The following FJX1 variants were observed in gnomAD, a reference collection of about 807,000 sequenced individuals.
The protein encoded by FJX1 is four-jointed box kinase 1, also known as four-jointed box protein 1.
Under a neutral mutation model 28.7 loss-of-function variants are expected in FJX1, and 21 were observed. The ratio of observed to expected loss-of-function variants is 0.73; its 90% CI spans 0.52 to 1.05. FJX1 has a LOEUF of 1.05. FJX1 is among the 50% of genes least tolerant of loss of function. The pLI is 0.00. For synonymous variants in FJX1, 363 were observed against 310.0 expected (o/e 1.17, Z -1.80); for missense variants, 683 against 647.2 (o/e 1.06, Z -0.60).
Position 35,619,301 on chromosome 11 carries a change from G to T in FJX1, c.665G>T (p.Trp222Leu). ...LARVEARGAQ[W>L]AQVQEELRAA... ...CGGGTGGAGGCTCGGGGCGCGCAGT[G>T]GGCGCAGGTGCAGGAGGAGCTGCGC... Residue 222 changes from tryptophan (W) to leucine (L), a missense_variant, in exon 1 of 1, where the codon TGG (tryptophan) becomes TTG (leucine). Transcript: ENST00000317811. The surrounding 1 kb of genome is among the most constrained non-coding windows in gnomAD (Gnocchi z 7.6). 1 of 1,555,800 alleles carries T rather than the reference G, an allele frequency of 6.4e-7. No individual in the cohort carries two copies. Among genetic ancestry groups the T allele is most frequent in the African/African-American group, 1.4e-5 (1 of 73,450 alleles).
In FJX1 at chr11:35,618,999, C is replaced by T; in HGVS notation, c.363C>T (p.Gly121=). ...AGGAGAGCGCCGCGGTGCACGGGGG[C>T]GTCTTCTGGAGCCGCGGCCTGGAGG... ...RPEESAAVHG[G]VFWSRGLEEQ... The change falls in exon 1 of 1, where the codon GGC becomes GGT. Residue 121 remains glycine, a synonymous_variant. Coordinates refer to ENST00000317811, the MANE Select transcript of FJX1 (RefSeq NM_014344.4). The surrounding 1 kb of genome is among the most constrained non-coding windows in gnomAD (Gnocchi z 4.2). The T allele has an allele frequency of 6.8e-7, 1 of 1,473,890 alleles. No individual in the cohort carries two copies. Among genetic ancestry groups the T allele is most frequent in the African/African-American group, 1.5e-5 (1 of 67,632 alleles). 91.3% of individuals were successfully genotyped at this position (1,473,890 alleles called of 1,614,324 possible).
chr11:35,619,431 G>T lies in FJX1; in HGVS notation c.795G>T (p.Leu265=). ...CCTGGCGCTCGGAGGACGGCCGTCT[G>T]CGCCCCCTCCGGGATGCCGGGGGTG... ...PAPWRSEDGR[L]RPLRDAGGEL... Residue 265 remains leucine, a synonymous_variant, in exon 1 of 1, where the codon CTG becomes CTT. Coordinates refer to ENST00000317811, the MANE Select transcript of FJX1 (RefSeq NM_014344.4). The surrounding 1 kb of genome is among the most constrained non-coding windows in gnomAD (Gnocchi z 7.6). 1 of 1,598,258 alleles carries T rather than the reference G, an allele frequency of 6.3e-7. No individual in the cohort carries two copies. The highest frequency in any genetic ancestry group is 8.5e-7 in the Non-Finnish European group (1 of 1,179,468).
Position 35,619,185 on chromosome 11 carries a change from C to G in FJX1, c.549C>G (p.Ile183Met). 1 of 1,582,336 alleles carries G rather than the reference C, an allele frequency of 6.3e-7. No homozygotes were observed. The highest frequency in any genetic ancestry group is 8.5e-7 in the Non-Finnish European group (1 of 1,173,762). Reference protein sequence around the residue: ...DGTRACVRYGINPEQIQGEAL... With the variant: ...DGTRACVRYGMNPEQIQGEAL... ...CCCGCGCCTGCGTGCGCTACGGCAT[C>G]AACCCGGAGCAGATTCAGGGCGAGG... The change falls in exon 1 of 1, where the codon ATC (isoleucine) becomes ATG (methionine). Residue 183 changes from isoleucine to methionine, a missense_variant. Coordinates refer to ENST00000317811, the MANE Select transcript of FJX1 (RefSeq NM_014344.4). The surrounding 1 kb of genome is among the most constrained non-coding windows in gnomAD (Gnocchi z 7.6).
chr11:35,619,970 G>T lies in FJX1; in HGVS notation c.*20G>T. 6.3e-7 allele frequency: 1 copy of T among 1,576,652 alleles called. No homozygotes were observed. Among genetic ancestry groups the T allele is most frequent in the South Asian group, 1.2e-5 (1 of 85,688 alleles). ...ACTTAGTGTCACCGGGAGGAAAAGA[G>T]AGAGATCTGGGGCTGGGGTATGGAT... On this transcript the variant is annotated 3_prime_UTR_variant, in exon 1 of 1. Coordinates refer to ENST00000317811, the MANE Select transcript of FJX1 (RefSeq NM_014344.4). This position sits in a 1 kb window ranked among gnomAD's most constrained non-coding sequence, Gnocchi z 7.6.
chr11:35,618,484 C>G lies in FJX1; in HGVS notation c.-153C>G, dbSNP rs1047722320. 2.9e-6 allele frequency: 2 copies of G among 689,680 alleles called. No homozygotes were observed. The highest frequency in any genetic ancestry group is 3.7e-6 in the Non-Finnish European group (2 of 544,770). 42.7% of individuals were successfully genotyped at this position (689,680 alleles called of 1,614,324 possible). ...GAGTTCCCAGCGCCGGGCGGAGCGCCGGACAGAGCCCCGCAGCGCCCCGCG... is the reference window on the plus strand; with the variant it reads ...GAGTTCCCAGCGCCGGGCGGAGCGCGGGACAGAGCCCCGCAGCGCCCCGCG... On this transcript the variant is annotated 5_prime_UTR_variant, in exon 1 of 1. Transcript: ENST00000317811. This position sits in a 1 kb window ranked among gnomAD's most constrained non-coding sequence, Gnocchi z 4.2.
chr11:35,618,863 C>G lies in FJX1; in HGVS notation c.227C>G (p.Ser76Cys). ...PPLAWDARGG[S>C]LKTFRALLTL... ...CTGGCGTGGGACGCCCGCGGCGGCTCCCTGAAAACTTTCCGGGCGCTGCTC... is the reference window on the plus strand; with the variant it reads ...CTGGCGTGGGACGCCCGCGGCGGCTGCCTGAAAACTTTCCGGGCGCTGCTC... The change falls in exon 1 of 1, where the codon TCC becomes TGC. Residue 76 changes from serine to cysteine, a missense_variant. By Grantham distance (112) the Ser-to-Cys change is moderately radical. Transcript: ENST00000317811. This position sits in a 1 kb window ranked among gnomAD's most constrained non-coding sequence, Gnocchi z 4.2. 1 of 1,360,812 alleles carries G rather than the reference C, an allele frequency of 7.3e-7. No individual in the cohort carries two copies. Among genetic ancestry groups the G allele is most frequent in the Non-Finnish European group, 9.4e-7 (1 of 1,061,020 alleles). The allele number at this position is 1,360,812 out of a possible 1,614,324, so 84.3% of individuals were successfully genotyped here. A position where few individuals can be genotyped will look rare whatever the true frequency, so the allele number is the denominator to read the frequency against.
chr11:35,619,572 G>T lies in FJX1; in HGVS notation c.936G>T (p.Leu312=). Residue 312 remains leucine (L), a synonymous_variant, in exon 1 of 1, where the codon CTG becomes CTT. Coordinates refer to ENST00000317811, the MANE Select transcript of FJX1 (RefSeq NM_014344.4). This position sits in a 1 kb window ranked among gnomAD's most constrained non-coding sequence, Gnocchi z 7.6. ...FDRLVSNLFS[L]QWDPRVMQRA... ...GGCTCGTAAGCAACCTCTTCAGCCTGCAGTGGGACCCGCGCGTCATGCAGC... is the reference window on the plus strand; with the variant it reads ...GGCTCGTAAGCAACCTCTTCAGCCTTCAGTGGGACCCGCGCGTCATGCAGC... 2 of 1,604,634 alleles carry T rather than the reference G, an allele frequency of 1.2e-6. No homozygotes were observed. The highest frequency in any genetic ancestry group is 8.5e-7 in the Non-Finnish European group (1 of 1,179,774).
Position 35,618,642 on chromosome 11 carries a change from C to T in FJX1, c.6C>T (p.Gly2=). 1 of 1,198,870 alleles carries T rather than the reference C, an allele frequency of 8.3e-7. No homozygotes were observed. The highest frequency in any genetic ancestry group is 1.0e-6 in the Non-Finnish European group (1 of 966,756). The allele number at this position is 1,198,870 out of a possible 1,614,324, so 74.3% of individuals were successfully genotyped here. A position where few individuals can be genotyped will look rare whatever the true frequency, so the allele number is the denominator to read the frequency against. The change falls in exon 1 of 1, where the codon GGC becomes GGT. Residue 2 remains glycine (G), a synonymous_variant. Transcript: ENST00000317811. This position sits in a 1 kb window ranked among gnomAD's most constrained non-coding sequence, Gnocchi z 4.2. ...ACCGGCACAGCCGCGGGAGCATGGG[C>T]AGGAGGATGCGGGGCGCCGCCGCCA... The part of the protein sequence containing the change: M[G]RRMRGAAATA...
Position 35,620,302 on chromosome 11 carries a change from C to A in FJX1, c.*352C>A. 1 of 379,518 alleles carries A rather than the reference C, an allele frequency of 2.6e-6. No homozygotes were observed. The highest frequency in any genetic ancestry group is 3.3e-5 in the South Asian group (1 of 30,404). The allele number at this position is 379,518 out of a possible 1,614,324, so 23.5% of individuals were successfully genotyped here. On this transcript the variant is annotated 3_prime_UTR_variant, in exon 1 of 1. Coordinates refer to ENST00000317811, the MANE Select transcript of FJX1 (RefSeq NM_014344.4). ...AGATGCACCCCATTCTTGGGCCCCCCCTCATTCCCTTTCCGAAAAAGGAAA... is the reference window on the plus strand; with the variant it reads ...AGATGCACCCCATTCTTGGGCCCCCACTCATTCCCTTTCCGAAAAAGGAAA...
rs1220873372 is a variant in FJX1, at chr11:35,619,438, C to T, written c.802C>T (p.Leu268Phe). The T allele has an allele frequency of 1.3e-6, 2 of 1,598,528 alleles. No homozygotes were observed. Among genetic ancestry groups the T allele is most frequent in the Admixed American group, 1.7e-5 (1 of 59,996 alleles). The change falls in exon 1 of 1, where the codon CTC (leucine) becomes TTC (phenylalanine). Residue 268 changes from leucine to phenylalanine, a missense_variant. Physicochemically the swap from Leu to Phe is conservative, Grantham distance 22. Coordinates refer to ENST00000317811, the MANE Select transcript of FJX1 (RefSeq NM_014344.4). The surrounding 1 kb of genome is among the most constrained non-coding windows in gnomAD (Gnocchi z 7.6). Reference protein sequence around the residue: ...WRSEDGRLRPLRDAGGELANL... With the variant: ...WRSEDGRLRPFRDAGGELANL... ...CTCGGAGGACGGCCGTCTGCGCCCCCTCCGGGATGCCGGGGGTGAGCTGGC... is the reference window on the plus strand; with the variant it reads ...CTCGGAGGACGGCCGTCTGCGCCCCTTCCGGGATGCCGGGGGTGAGCTGGC...
Position 35,619,118 on chromosome 11 carries a change from G to C in FJX1, c.482G>C (p.Cys161Ser), listed in dbSNP as rs2135463025. Residue 161 changes from cysteine to serine, a missense_variant, in exon 1 of 1, where the codon TGC (cysteine) becomes TCC (serine). Cys to Ser is a moderately radical substitution (Grantham distance 112). Coordinates refer to ENST00000317811, the MANE Select transcript of FJX1 (RefSeq NM_014344.4). This position sits in a 1 kb window ranked among gnomAD's most constrained non-coding sequence, Gnocchi z 7.6. ...ARMVALERGG[C>S]GRSSNRLARF... is the part of the protein sequence containing the mutation. ...ATGGTGGCCCTGGAGCGCGGGGGTT[G>C]CGGGCGCAGCTCCAACCGACTGGCC... 6.5e-7 allele frequency: 1 copy of C among 1,537,178 alleles called. No homozygotes were observed. Among genetic ancestry groups the C allele is most frequent in the South Asian group, 1.2e-5 (1 of 83,204 alleles).
chr11:35,619,896 C>A lies in FJX1; in HGVS notation c.1260C>A (p.Leu420=). The change falls in exon 1 of 1, where the codon CTC becomes CTA. Residue 420 remains leucine (L), a synonymous_variant. Coordinates refer to ENST00000317811, the MANE Select transcript of FJX1 (RefSeq NM_014344.4). This position sits in a 1 kb window ranked among gnomAD's most constrained non-coding sequence, Gnocchi z 7.6. ...AQLLQRRLDF[L]AKHILHCKAK... The stretch of plus-strand genomic sequence containing the variant: ...TGCTACAGCGCCGCCTCGACTTCCT[C>A]GCCAAGCACATTTTGCACTGTAAGG... 6.3e-7 allele frequency: 1 copy of A among 1,579,622 alleles called. No individual in the cohort carries two copies. Among genetic ancestry groups the A allele is most frequent in the Non-Finnish European group, 8.6e-7 (1 of 1,163,840 alleles).
rs897388884 is a variant in FJX1, at chr11:35,618,723, C to T, written c.87C>T (p.Leu29=). The part of the protein sequence containing the change: ...LGSLLALWGG[L]LPPRTELPAS... ...CGCTGCTGGCGCTGTGGGGAGGGCT[C>T]CTGCCGCCGCGGACCGAGCTGCCCG... Residue 29 remains leucine, a synonymous_variant, in exon 1 of 1, where the codon CTC becomes CTT. Coordinates refer to ENST00000317811, the MANE Select transcript of FJX1 (RefSeq NM_014344.4). This position sits in a 1 kb window ranked among gnomAD's most constrained non-coding sequence, Gnocchi z 4.2. 239 of 1,255,726 alleles carry T rather than the reference C, an allele frequency of 1.9e-4. No homozygotes were observed. Among genetic ancestry groups the T allele is most frequent in the Non-Finnish European group, 2.4e-4 (232 of 987,142 alleles). The allele number at this position is 1,255,726 out of a possible 1,614,324, so 77.8% of individuals were successfully genotyped here.
chr11:35,619,745 G>C lies in FJX1; in HGVS notation c.1109G>C (p.Arg370Pro). ...CAGTCAGTGTGCGTGTTCCGCGAGC[G>C]GACCGCGCGGCGCGTCCTGGAGCTG... ...LLQSVCVFRERTARRVLELHR... is the reference protein window; with the variant it reads ...LLQSVCVFREPTARRVLELHR... Residue 370 changes from arginine (R) to proline (P), a missense_variant, in exon 1 of 1, where the codon CGG becomes CCG. Coordinates refer to ENST00000317811, the MANE Select transcript of FJX1 (RefSeq NM_014344.4). This position sits in a 1 kb window ranked among gnomAD's most constrained non-coding sequence, Gnocchi z 7.6. 1 of 1,563,958 alleles carries C rather than the reference G, an allele frequency of 6.4e-7. No homozygotes were observed. The highest frequency in any genetic ancestry group is 1.2e-5 in the South Asian group (1 of 85,594).
At position 35,619,449 on chromosome 11, in the gene FJX1, C is replaced by G. The variant is rs760901534; in HGVS notation, c.813C>G (p.Ala271=). The change falls in exon 1 of 1, where the codon GCC becomes GCG. Residue 271 remains alanine, a synonymous_variant. Transcript: ENST00000317811. The surrounding 1 kb of genome is among the most constrained non-coding windows in gnomAD (Gnocchi z 7.6). ...GCCGTCTGCGCCCCCTCCGGGATGC[C>G]GGGGGTGAGCTGGCCAACCTCAGCC... ...EDGRLRPLRD[A]GGELANLSQA... 5 of 1,598,620 alleles carry G rather than the reference C, an allele frequency of 3.1e-6. No individual in the cohort carries two copies. The highest frequency in any genetic ancestry group is 1.6e-4 in the Middle Eastern group (1 of 6,078).
rs2135463112 is a variant in FJX1, at chr11:35,619,224, T to C, written c.588T>C (p.Tyr196=). The part of the protein sequence containing the change: ...EQIQGEALSY[Y]LARLLGLQRH... ...TTCAGGGCGAGGCCCTGTCTTACTATCTGGCGCGCCTGCTGGGCCTCCAGC... is the reference window on the plus strand; with the variant it reads ...TTCAGGGCGAGGCCCTGTCTTACTACCTGGCGCGCCTGCTGGGCCTCCAGC... Residue 196 remains tyrosine, a synonymous_variant, in exon 1 of 1, where the codon TAT becomes TAC. Transcript: ENST00000317811. The surrounding 1 kb of genome is among the most constrained non-coding windows in gnomAD (Gnocchi z 7.6). 1 of 1,586,842 alleles carries C rather than the reference T, an allele frequency of 6.3e-7. No individual in the cohort carries two copies. The highest frequency in any genetic ancestry group is 8.5e-7 in the Non-Finnish European group (1 of 1,175,136).
rs1489836163 is a variant in FJX1 at position 35,618,903 on chromosome 11, C to G, written c.267C>G (p.Gly89=). ...GGGCGCTGCTCACCCTGGCGGCCGG[C>G]GCGGACGGCCCGCCCCGGCAGTCCC... ...TFRALLTLAA[G]ADGPPRQSRS... The change falls in exon 1 of 1, where the codon GGC becomes GGG. Residue 89 remains glycine (G), a synonymous_variant. Transcript: ENST00000317811. This position sits in a 1 kb window ranked among gnomAD's most constrained non-coding sequence, Gnocchi z 4.2. 3 of 1,396,456 alleles carry G rather than the reference C, an allele frequency of 2.1e-6. No homozygotes were observed. The African/African-American group carries it at 4.5e-5, about 21-fold the overall frequency. 86.5% of individuals were successfully genotyped at this position (1,396,456 alleles called of 1,614,324 possible).
Position 35,620,216 on chromosome 11 carries a change from G to A in FJX1, c.*266G>A, listed in dbSNP as rs1850883795. 1.8e-6 allele frequency: 1 copy of A among 571,058 alleles called. No individual in the cohort carries two copies. Among genetic ancestry groups the A allele is most frequent in the African/African-American group, 2.0e-5 (1 of 50,486 alleles). The allele number at this position is 571,058 out of a possible 1,614,324, so 35.4% of individuals were successfully genotyped here. A position where few individuals can be genotyped will look rare whatever the true frequency, so the allele number is the denominator to read the frequency against. Reference sequence around the variant, plus strand: ...AAGGATTCTTTACTGTGCCAGCACGGGGATTGGATCCGAAGAAACTGGCTA... The same window carrying A: ...AAGGATTCTTTACTGTGCCAGCACGAGGATTGGATCCGAAGAAACTGGCTA... On this transcript the variant is annotated 3_prime_UTR_variant, in exon 1 of 1. Coordinates refer to ENST00000317811, the MANE Select transcript of FJX1 (RefSeq NM_014344.4).
At position 35,618,694 on chromosome 11, in the gene FJX1, G is replaced by A; in HGVS notation, c.58G>A (p.Gly20Ser). The A allele has an allele frequency of 1.6e-6, 2 of 1,252,742 alleles. No individual in the cohort carries two copies. Among genetic ancestry groups the A allele is most frequent in the East Asian group, 3.9e-5 (1 of 25,502 alleles). 77.6% of individuals were successfully genotyped at this position (1,252,742 alleles called of 1,614,324 possible). A position where few individuals can be genotyped will look rare whatever the true frequency, so the allele number is the denominator to read the frequency against. ...ATAGLWLLALGSLLALWGGLL... is the reference protein window; with the variant it reads ...ATAGLWLLALSSLLALWGGLL... Reference sequence around the variant, plus strand: ...CGCGGGGCTCTGGCTGCTGGCGCTGGGCTCGCTGCTGGCGCTGTGGGGAGG... The same window carrying A: ...CGCGGGGCTCTGGCTGCTGGCGCTGAGCTCGCTGCTGGCGCTGTGGGGAGG... Residue 20 changes from glycine to serine, a missense_variant, in exon 1 of 1, where the codon GGC (glycine) becomes AGC (serine). Gly to Ser is a moderately conservative substitution (Grantham distance 56). Transcript: ENST00000317811. The surrounding 1 kb of genome is among the most constrained non-coding windows in gnomAD (Gnocchi z 4.2).
Sources: allele counts gnomAD v4.1 joint callset, GRCh38; gene constraint gnomAD v4.1.1; non-coding constraint Gnocchi (gnomAD v3.1); transcripts MANE v1.5; gene names NCBI Gene and HGNC (gene_info 2026-07-23, HGNC 2026-07-21).